TMEM266: variants seen among roughly 807,000 people sequenced by gnomAD.
TMEM266 encodes the protein Hv1 related protein 1.
A neutral mutation model predicts 50.5 loss-of-function variants in TMEM266; 33 were observed. That is an observed-to-expected ratio of 0.65 (90% CI 0.50 to 0.87). The LOEUF (loss-of-function observed/expected upper bound fraction) is 0.87, where lower values mean the gene tolerates loss of function less well. Among genes scored for constraint, TMEM266 ranks in the 40% least tolerant of loss-of-function variants. The pLI, the probability that TMEM266 is intolerant of heterozygous loss-of-function variation, is 0.00. For synonymous variants in TMEM266, 310 were observed against 292.3 expected, an observed-to-expected ratio of 1.06 and a Z score of -0.62; for missense variants, 655 against 695.1, an observed-to-expected ratio of 0.94 and a Z score of 0.65.
At chr15:76,060,676 A>G (rs1222337043) in intron 1 of TMEM266, among the ~76,000 whole-genome samples, 1 of 152,212 alleles carries the variant, frequency 6.6e-6, no homozygotes. Flanking sequence ...GTCTCCCTTG[A>G]TGGCCGAGAA....
chr15:76,115,665 C>T (rs779578059), intron 1 of TMEM266, among the ~76,000 whole-genome samples: 1 of 152,200 alleles, frequency 6.6e-6, no homozygotes, highest in African/African-American at 2.4e-5. Context: ...CCCCGGGAGG[C>T]CACCTTCTTG....
chr15:76,196,302 C>A (rs2038655493), intron 9 of TMEM266, among the ~76,000 whole-genome samples: 1 of 152,204 alleles, frequency 6.6e-6, no homozygotes, highest in Non-Finnish European at 1.5e-5. Context: ...TACTGCCTGC[C>A]CCAGCCTAGG....
intron 8 of TMEM266, among the ~76,000 whole-genome samples, chr15:76,185,690 A>T (rs925478559): frequency 1.3e-5 from 2 of 152,192 alleles, no homozygotes; most frequent in Non-Finnish European, 2.9e-5. Flanking sequence ...GGTGTGCTAC[A>T]CATCATTGAT....
chr15:76,190,639 T>C (rs2038554021), intron 8 of TMEM266, among the ~76,000 whole-genome samples: 1 of 152,062 alleles, frequency 6.6e-6, no homozygotes, highest in Non-Finnish European at 1.5e-5. Flanking sequence ...GTGATTGCAT[T>C]TTTGGCTCCA....
chr15:76,179,983 G>A (rs2038373628), intron 8 of TMEM266, among the ~76,000 whole-genome samples: 1 of 150,826 alleles, frequency 6.6e-6, no homozygotes, highest in Non-Finnish European at 1.5e-5. Context: ...AAAACAAAAC[G>A]CTTTTCACTC....
At chr15:76,140,549 C>T (rs1054145693) in intron 3 of TMEM266, among the ~76,000 whole-genome samples, 13 of 152,160 alleles carry the variant, frequency 8.5e-5, no homozygotes, top group Non-Finnish European at 1.8e-4. Flanking sequence ...CTCAGGGACC[C>T]TGGCAGAAAG....
chr15:76,192,189 G>A, intron 9 of TMEM266, 32 bp downstream of exon 9: 3 of 1,387,920 alleles, frequency 2.2e-6, no homozygotes, highest in Non-Finnish European at 2.8e-6. Flanking sequence ...GCCCCAGAGT[G>A]TCACGGCCGG....
chr15:76,165,844 C>A (rs1303131030), intron 5 of TMEM266, among the ~76,000 whole-genome samples: 1 of 152,246 alleles, frequency 6.6e-6, no homozygotes, highest in Non-Finnish European at 1.5e-5. Context: ...CCCCATCTAA[C>A]ACCCTTTCTC....
chr15:76,163,302 C>T (rs1189341570), intron 5 of TMEM266, among the ~76,000 whole-genome samples: 1 of 152,206 alleles, frequency 6.6e-6, no homozygotes, highest in Non-Finnish European at 1.5e-5. Flanking sequence ...GAGTGTGAGG[C>T]TGGTTTGGGC....
chr15:76,204,070 C>G lies in TMEM266; in HGVS notation c.1351C>G (p.Pro451Ala). The change falls in exon 11 of 11, where the codon CCC (proline) becomes GCC (alanine). Residue 451 changes from proline (P) to alanine (A), a missense_variant. Around this residue, in one of 3 missense-constraint regions of TMEM266, gnomAD observed 455 missense variants for 401.8 expected, o/e 1.13. Transcript: ENST00000388942. ...CCTGCTGTCCTCCCTGTCGGAGGAC[C>G]CCTGCCCTTCCCAGAAGGCCTTGGA... 2 of 1,612,580 alleles carry G rather than the reference C, an allele frequency of 1.2e-6. No individual in the cohort carries two copies.
chr15:76,152,291 G>A (rs1484337686), intron 3 of TMEM266, among the ~76,000 whole-genome samples: 1 of 152,232 alleles, frequency 6.6e-6, no homozygotes, highest in Non-Finnish European at 1.5e-5. Context: ...CTCACTCCCA[G>A]ACTGGCACAG....
chr15:76,193,883 G>A (rs765924635), intron 9 of TMEM266, among the ~76,000 whole-genome samples: 1 of 152,210 alleles, frequency 6.6e-6, no homozygotes, highest in South Asian at 2.1e-4. Context: ...CTTCGGGGAC[G>A]TGCTCTCCAA....
At chr15:76,063,451 CT>C in intron 1 of TMEM266, among the ~76,000 whole-genome samples, 1 of 152,212 alleles carries the variant, frequency 6.6e-6, no homozygotes, top group Non-Finnish European at 1.5e-5. Context: ...GCTGTACCCC[CT>C]GCCCCAGGCC....
chr15:76,102,911 G>C (rs1051622404), intron 1 of TMEM266, among the ~76,000 whole-genome samples: 3 of 151,108 alleles, frequency 2.0e-5, no homozygotes, highest in African/African-American at 7.3e-5. Context: ...GGTGGGAGAA[G>C]CTGGCGAGGC....
At chr15:76,144,808 G>A (rs1439464857) in intron 3 of TMEM266, among the ~76,000 whole-genome samples, 1 of 152,140 alleles carries the variant, frequency 6.6e-6, no homozygotes, top group Non-Finnish European at 1.5e-5. Context: ...CAGGAGAAGG[G>A]GAGAAGGGGA....
intron 9 of TMEM266, among the ~76,000 whole-genome samples, chr15:76,194,477 C>G (rs1208564559): frequency 6.6e-6 from 1 of 152,226 alleles, no homozygotes; most frequent in Non-Finnish European, 1.5e-5. Context: ...CAGGAGAAAG[C>G]CCACGCCCCT....
intron 1 of TMEM266, among the ~76,000 whole-genome samples, chr15:76,119,503 A>T (rs1020975618): frequency 1.3e-5 from 2 of 152,072 alleles, no homozygotes; most frequent in African/African-American, 4.8e-5. Flanking sequence ...GCGGTGGCTC[A>T]GGCCTGTCAT....
chr15:76,196,066 A>G (rs2038651095), intron 9 of TMEM266, among the ~76,000 whole-genome samples: 1 of 152,166 alleles, frequency 6.6e-6, no homozygotes, highest in Non-Finnish European at 1.5e-5. Flanking sequence ...CTGATAGGCT[A>G]TGTGTCACCA....
chr15:76,100,758 A>T (rs138194096), intron 1 of TMEM266, among the ~76,000 whole-genome samples: 16 of 152,272 alleles, frequency 1.1e-4, no homozygotes, highest in Non-Finnish European at 1.6e-4. Flanking sequence ...TAGAGTGGAC[A>T]CTCTGTCCCA....
Sources: allele counts gnomAD v4.1 joint callset (sites outside exome capture counted in the v4.1 genomes callset), GRCh38; gene constraint gnomAD v4.1.1; regional missense constraint gnomAD v4.1.1; transcripts MANE v1.5; gene names NCBI Gene and HGNC (gene_info 2026-07-23, HGNC 2026-07-21).